GSE1: variants seen among roughly 807,000 people sequenced by gnomAD.
GSE1 encodes the protein Gse1 coiled-coil protein, also known as genetic suppressor element 1.
Under a neutral mutation model 112.6 loss-of-function variants are expected in GSE1, and 32 were observed. The observed-to-expected ratio is 0.28, with a 90% CI of 0.21 to 0.38. GSE1 has a LOEUF of 0.38. Among genes scored for constraint, GSE1 ranks in the 10% least tolerant of loss-of-function variants. The pLI, the probability that GSE1 is intolerant of heterozygous loss-of-function variation, is 1.00. For missense variants in GSE1, 2,348 were observed against 1,699.2 expected (o/e 1.38, Z -6.71); for synonymous variants, 1,115 against 735.6 (o/e 1.52, Z -8.35).
chr16:85,362,420 A>C (rs765978473), intron 2 of GSE1, among the ~76,000 whole-genome samples: 13 of 152,210 alleles, frequency 8.5e-5, no homozygotes, highest in Non-Finnish European at 1.3e-4. Flanking sequence ...GGAGAGAAGC[A>C]GCACTGGTTG....
At chr16:85,601,660 C>G (rs1207746656) in intron 1 of GSE1, among the ~76,000 whole-genome samples, 1 of 152,242 alleles carries the variant, frequency 6.6e-6, no homozygotes, top group African/African-American at 2.4e-5. Flanking sequence ...CTTTGTCCAT[C>G]TAACCTTTCC....
intron 1 of GSE1, among the ~76,000 whole-genome samples, chr16:85,217,343 T>A (rs973148073): frequency 1.3e-5 from 2 of 152,172 alleles, no homozygotes; most frequent in African/African-American, 4.8e-5. Context: ...TGTTTGGGGT[T>A]GGGAGCGAAG....
At chr16:85,438,559 T>A (rs914276424) in intron 2 of GSE1, among the ~76,000 whole-genome samples, 12 of 152,170 alleles carry the variant, frequency 7.9e-5, no homozygotes, top group African/African-American at 2.9e-4. Context: ...ATGGGGAAAC[T>A]GAGACCCACA....
At chr16:85,429,234 C>T (rs2049062870) in intron 2 of GSE1, among the ~76,000 whole-genome samples, 1 of 152,204 alleles carries the variant, frequency 6.6e-6, no homozygotes, top group Non-Finnish European at 1.5e-5. Flanking sequence ...GTCCGGAGCA[C>T]CCCCCAGGAT....
intron 2 of GSE1, among the ~76,000 whole-genome samples, chr16:85,467,431 G>A (rs2050155284): frequency 6.6e-6 from 1 of 152,208 alleles, no homozygotes; most frequent in Non-Finnish European, 1.5e-5. Context: ...GTGAATCTGG[G>A]GGTGCAGCTA....
chr16:85,590,216 G>A (rs1255945922), intron 1 of GSE1, among the ~76,000 whole-genome samples: 1 of 152,152 alleles, frequency 6.6e-6, no homozygotes, highest in Non-Finnish European at 1.5e-5. Context: ...GTGTGAACAT[G>A]TGTGACCTTG....
chr16:85,549,931 G>A (rs28671512), intron 2 of GSE1, among the ~76,000 whole-genome samples: 33,598 of 152,092 alleles, frequency 0.22, 4,215 homozygotes, highest in South Asian at 0.39. Flanking sequence ...AGATGACATC[G>A]TAGGAAAGCA....
chr16:85,578,770 T>C (rs2046333878), intron 1 of GSE1, among the ~76,000 whole-genome samples: 1 of 152,132 alleles, frequency 6.6e-6, no homozygotes, highest in African/African-American at 2.4e-5. Context: ...TTGCACAGGC[T>C]AGTCTCTCTT....
chr16:85,621,588 A>G (rs1472425722), intron 1 of GSE1, among the ~76,000 whole-genome samples: 1 of 152,184 alleles, frequency 6.6e-6, no homozygotes, highest in Non-Finnish European at 1.5e-5. Context: ...GGGCACAGGG[A>G]GGACATTTTA....
intron 1 of GSE1, among the ~76,000 whole-genome samples, chr16:85,294,341 G>T (rs996692208): frequency 6.6e-6 from 1 of 152,166 alleles, no homozygotes; most frequent in Non-Finnish European, 1.5e-5. Context: ...ACCCTCTGGA[G>T]TCTGCGCTTA....
At chr16:85,268,428 C>A (rs1411703676) in intron 1 of GSE1, among the ~76,000 whole-genome samples, 1 of 152,212 alleles carries the variant, frequency 6.6e-6, no homozygotes, top group Non-Finnish European at 1.5e-5. Flanking sequence ...CACTCCCCTT[C>A]CCCGTCTGGC....
intron 1 of GSE1, among the ~76,000 whole-genome samples, chr16:85,186,741 G>T (rs969314888): frequency 2.0e-5 from 3 of 152,182 alleles, no homozygotes; most frequent in Admixed American, 2.0e-4. Context: ...CTCCAGCCTG[G>T]GTGACAGAGT....
intron 1 of GSE1, among the ~76,000 whole-genome samples, chr16:85,350,735 A>C (rs940480069): frequency 6.6e-6 from 1 of 152,162 alleles, no homozygotes; most frequent in African/African-American, 2.4e-5. Context: ...GAGTTCGTTG[A>C]ATTTCCTCCG....
At position 85,657,587 on chromosome 16, in the gene GSE1, G is replaced by C. The variant is rs1288059850; in HGVS notation, c.1623G>C (p.Arg541Ser). 6.5e-7 allele frequency: 1 copy of C among 1,538,246 alleles called. No individual in the cohort carries two copies. Among genetic ancestry groups the C allele is most frequent in the Non-Finnish European group, 8.7e-7 (1 of 1,144,058 alleles). The change falls in exon 8 of 16, where the codon AGG (arginine) becomes AGC (serine). Residue 541 changes from arginine (R) to serine (S), a missense_variant. Transcript: ENST00000253458. ...CGGTGCCGGCGGAGGCAGAGCACAGGCCGGAGAGCACCACCAGGTGAGTGA... is the reference window on the plus strand; with the variant it reads ...CGGTGCCGGCGGAGGCAGAGCACAGCCCGGAGAGCACCACCAGGTGAGTGA... ...RPPVPAEAEH[R>S]PESTTRPGPN... is the part of the protein sequence containing the mutation.
At chr16:85,329,559 G>T (rs113242005) in intron 1 of GSE1, among the ~76,000 whole-genome samples, 12,126 of 152,006 alleles carry the variant, frequency 0.08, 537 homozygotes, top group African/African-American at 0.11. Flanking sequence ...TGTGGGAGCC[G>T]CTCAGAGGCG....
chr16:85,281,832 C>T (rs1266642511), intron 1 of GSE1, among the ~76,000 whole-genome samples: 4 of 152,078 alleles, frequency 2.6e-5, no homozygotes, highest in Non-Finnish European at 4.4e-5. Flanking sequence ...ATTTCAGGAG[C>T]TCTGGAAGCA....
Position 85,655,009 on chromosome 16 carries a change from C to T in GSE1, c.797+18C>T, listed in dbSNP as rs375468728. 109 of 1,485,756 alleles carry T rather than the reference C, an allele frequency of 7.3e-5. No homozygotes were observed. Among genetic ancestry groups the T allele is most frequent in the African/African-American group, 6.7e-4 (49 of 72,958 alleles). 92.0% of individuals were successfully genotyped at this position (1,485,756 alleles called of 1,614,324 possible). On this transcript the variant is annotated intron_variant, in intron 5 of 15. Coordinates refer to ENST00000253458, the MANE Select transcript of GSE1 (RefSeq NM_014615.5). ...GCCTTCAGGTGAGGCATCCCCCACGCGCCCTCTCGTCTAGGTGCTGGCCTG... is the reference window on the plus strand; with the variant it reads ...GCCTTCAGGTGAGGCATCCCCCACGTGCCCTCTCGTCTAGGTGCTGGCCTG...
At chr16:85,569,853 G>A (rs751361251) in intron 1 of GSE1, among the ~76,000 whole-genome samples, 5 of 152,176 alleles carry the variant, frequency 3.3e-5, no homozygotes, top group East Asian at 1.9e-4. Context: ...CCTGCCCACC[G>A]CCTGGACAGA....
chr16:85,663,286 A>C (rs1202128395), intron 10 of GSE1, 58 bp from the exon 11 acceptor site: 2 of 1,580,922 alleles, frequency 1.3e-6, no homozygotes, highest in Non-Finnish European at 8.6e-7. Context: ...ACCCCGGGAC[A>C]GTGCAAGCAT....
Sources: gnomAD v4.1 joint callset for allele counts (sites outside exome capture counted in the v4.1 genomes callset) on GRCh38, gnomAD v4.1.1 for gene constraint, MANE v1.5 for transcripts, NCBI Gene and HGNC (gene_info 2026-07-23, HGNC 2026-07-21) for gene names.